Variants in NUP214 observed in about 807,000 individuals in gnomAD.
NUP214 encodes nuclear pore complex protein Nup214.
A neutral mutation model predicts 196.2 loss-of-function variants in NUP214; 79 were observed. The observed-to-expected ratio is 0.40, with a 90% CI of 0.34 to 0.49. The LOEUF is 0.49. Ranked by LOEUF, NUP214 falls within the 20% of genes least tolerant of loss-of-function variation. The probability of loss-of-function intolerance (pLI) is 0.58; values close to 1 mark genes in which losing one functional copy is unlikely to be tolerated. For synonymous variants in NUP214, 1,020 were observed against 990.5 expected, an observed-to-expected ratio of 1.03 and a Z score of -0.56; for missense variants, 2,468 against 2,539.0, an observed-to-expected ratio of 0.97 and a Z score of 0.60.
In NUP214 at chr9:131,164,187, GT is replaced by G. The variant is rs761946821; in HGVS notation, c.2893+44del. ...CTGGGCCTGTACATAGTGATAGGGT[GT>G]GGTGGGGTGTGTGTGTGTGCGCGCG... On this transcript the variant is annotated intron_variant, in intron 21 of 35. Transcript: ENST00000359428. 5.7e-6 allele frequency: 9 copies of G among 1,582,766 alleles called. No individual in the cohort carries two copies. The Admixed American group carries it at 8.4e-5, about 15-fold the overall frequency.
rs772517863 is a variant in NUP214 at position 131,150,759 on chromosome 9, C to T, written c.2271C>T (p.Thr757=). Residue 757 remains threonine (T), a synonymous_variant, in exon 16 of 36, where the codon ACC becomes ACT. Transcript: ENST00000359428. Reference sequence around the variant, plus strand: ...CCTTTCTTTTGGAGATTAAAGAGACCACAGAGGTTTGTGTTTATGGATACT... The same window carrying T: ...CCTTTCTTTTGGAGATTAAAGAGACTACAGAGGTTTGTGTTTATGGATACT... ...LHTFLLEIKE[T]TESLHGDISS... The T allele has an allele frequency of 4.4e-6, 7 of 1,604,820 alleles. No homozygotes were observed. The South Asian group carries it at 7.9e-5, about 18-fold the overall frequency.
chr9:131,225,792 G>C (rs1834704130), intron 32 of NUP214, among the ~76,000 whole-genome samples: 1 of 152,226 alleles, frequency 6.6e-6, no homozygotes, highest in Non-Finnish European at 1.5e-5. Flanking sequence ...TGCTTTAAGA[G>C]AGATTTTAAG....
rs1831405595 is a variant in NUP214, at chr9:131,127,684, T to C, written c.206T>C (p.Ile69Thr). The change falls in exon 2 of 36, where the codon ATT (isoleucine) becomes ACT (threonine). Residue 69 changes from isoleucine (I) to threonine (T), a missense_variant. Around this residue, in one of 5 missense-constraint regions of NUP214, gnomAD observed 392 missense variants for 417.9 expected, o/e 0.94. Coordinates refer to ENST00000359428, the MANE Select transcript of NUP214 (RefSeq NM_005085.4). ...ATTTTTCCTACTAAAAATCTTCTTATTCAAAATAAACCCGGAGATGATCCC... is the reference window on the plus strand; with the variant it reads ...ATTTTTCCTACTAAAAATCTTCTTACTCAAAATAAACCCGGAGATGATCCC... The part of the protein sequence containing the change: ...LQIFPTKNLL[I>T]QNKPGDDPNK... 1.9e-6 allele frequency: 3 copies of C among 1,613,982 alleles called. No homozygotes were observed. Among genetic ancestry groups the C allele is most frequent in the African/African-American group, 1.3e-5 (1 of 74,928 alleles).
In NUP214 at chr9:131,233,679, A is replaced by G. The variant is rs777035258; in HGVS notation, c.*192A>G. ...TATTTCATGTTGGGTTTTCCCTCCC[A>G]CTATTAAACAGTCTGTTTCCGTACA... On this transcript the variant is annotated 3_prime_UTR_variant, in exon 36 of 36. Coordinates refer to ENST00000359428, the MANE Select transcript of NUP214 (RefSeq NM_005085.4). The G allele has an allele frequency of 4.5e-6, 3 of 671,680 alleles. No homozygotes were observed. The highest frequency in any genetic ancestry group is 3.5e-5 in the African/African-American group (2 of 56,456). The allele number at this position is 671,680 out of a possible 1,614,324, so 41.6% of individuals were successfully genotyped here. A position where few individuals can be genotyped will look rare whatever the true frequency, so the allele number is the denominator to read the frequency against.
chr9:131,181,200 C>T (rs1268897014), intron 24 of NUP214, among the ~76,000 whole-genome samples: 1 of 152,062 alleles, frequency 6.6e-6, no homozygotes, highest in Non-Finnish European at 1.5e-5. Flanking sequence ...AAGCTCCAAG[C>T]ACAGGGCCTG....
chr9:131,128,264 T>C, intron 2 of NUP214, 68 bp from the exon 3 acceptor site: 2 of 1,472,804 alleles, frequency 1.4e-6, no homozygotes, highest in Non-Finnish European at 1.8e-6. Context: ...CACATCGAAC[T>C]GGATAGAGGT....
intron 1 of NUP214, chr9:131,126,040 G>A (rs1449652625): frequency 2.2e-6 from 1 of 457,976 alleles, no homozygotes. Flanking sequence ...CTGTGTGCCA[G>A]GCACTGTGGT....
chr9:131,162,253 T>C (rs1412548764), intron 18 of NUP214, among the ~76,000 whole-genome samples: 2 of 152,266 alleles, frequency 1.3e-5, no homozygotes, highest in South Asian at 2.1e-4. Context: ...AATGTCGTTA[T>C]GTGGCACATG....
At position 131,147,595 on chromosome 9, in the gene NUP214, A is replaced by G. The variant is rs1285035268; in HGVS notation, c.2040+11A>G. ...CCAGGCTCTCCCCAGGTATGTTTAA[A>G]TTCAGCTTGCAATGTTTGTGTTTAT... On this transcript the variant is annotated intron_variant, in intron 14 of 35. Coordinates refer to ENST00000359428, the MANE Select transcript of NUP214 (RefSeq NM_005085.4). 1.0e-5 allele frequency: 16 copies of G among 1,585,732 alleles called. No homozygotes were observed. Among genetic ancestry groups the G allele is most frequent in the Non-Finnish European group, 1.3e-5 (15 of 1,155,336 alleles).
At chr9:131,152,241 G>A (rs1832294113) in intron 17 of NUP214, among the ~76,000 whole-genome samples, 1 of 151,974 alleles carries the variant, frequency 6.6e-6, no homozygotes, top group Non-Finnish European at 1.5e-5. Flanking sequence ...AGCCTCCTGA[G>A]TAGCCAGGAC....
intron 5 of NUP214, among the ~76,000 whole-genome samples, chr9:131,132,056 G>A (rs1006723545): frequency 6.6e-6 from 1 of 151,092 alleles, no homozygotes; most frequent in Admixed American, 6.6e-5. Flanking sequence ...GTGTTGCATT[G>A]ACTACTCTCA....
chr9:131,132,021 G>T (rs1831561191), intron 5 of NUP214, among the ~76,000 whole-genome samples: 1 of 151,912 alleles, frequency 6.6e-6, no homozygotes. Context: ...CTGCATCAGT[G>T]CTAGTGGCGT....
At position 131,228,305 on chromosome 9, in the gene NUP214, T is replaced by C. The variant is rs781614036; in HGVS notation, c.6048T>C (p.Thr2016=). ...GAGGCAAAGTGTTCGGAGAGGGCAC[T>C]GCAGCTGCCAGCGCAGGAGGATTCG... ...STGGKVFGEG[T]AAASAGGFGF... Residue 2016 remains threonine (T), a synonymous_variant, in exon 33 of 36, where the codon ACT becomes ACC. Transcript: ENST00000359428. 9.4e-6 allele frequency: 15 copies of C among 1,598,984 alleles called. No homozygotes were observed. The highest frequency in any genetic ancestry group is 1.2e-5 in the Non-Finnish European group (14 of 1,174,734).
rs1288567604 is a variant in NUP214, at chr9:131,168,238, T to G, written c.2893+4094T>G. Among the ~76,000 whole-genome samples the G allele has an allele frequency of 4.6e-5, 7 of 152,352 alleles. No individual in the cohort carries two copies. The Middle Eastern group carries it at 0.01, about 222-fold the overall frequency. ...TAAAATAGTGAGATTTATCAGCCTT[T>G]TCTTTTATAGTTAGTACTTTTTGTG... On this transcript the variant is annotated intron_variant, in intron 21 of 35. Coordinates refer to ENST00000359428, the MANE Select transcript of NUP214 (RefSeq NM_005085.4).
At chr9:131,159,580 G>C (rs1832566115) in intron 18 of NUP214, 94 bp downstream of exon 18, 6 of 1,078,174 alleles carry the variant, frequency 5.6e-6, no homozygotes, top group Non-Finnish European at 8.2e-6. Context: ...ATCCCAGGCC[G>C]GGTGCGGTGG....
At position 131,198,180 on chromosome 9, in the gene NUP214, A is replaced by C. The variant is rs35446363; in HGVS notation, c.4686A>C (p.Ala1562=). 674 of 1,614,180 alleles carry C rather than the reference A, an allele frequency of 4.2e-4. 1 individual carries two copies. In the African/African-American group the frequency reaches 8.0e-3, roughly 19 times the overall value. ...CAGCATCTAGTACTAGTCTTGTAGC[A>C]CTTTCTGCAGAGGCTACCCCAGCCA... The part of the protein sequence containing the change: ...GTAASSTSLV[A]LSAEATPATT... Residue 1562 remains alanine (A), a synonymous_variant, in exon 29 of 36, where the codon GCA becomes GCC. Transcript: ENST00000359428.
intron 32 of NUP214, among the ~76,000 whole-genome samples, chr9:131,226,268 T>C (rs1021679819): frequency 6.6e-6 from 1 of 152,180 alleles, no homozygotes; most frequent in Non-Finnish European, 1.5e-5. Flanking sequence ...AAAATTTGTT[T>C]CTTCTGGAGA....
chr9:131,210,792 A>G (rs555542851), intron 30 of NUP214, among the ~76,000 whole-genome samples: 35 of 152,106 alleles, frequency 2.3e-4, no homozygotes, highest in African/African-American at 8.2e-4. Flanking sequence ...AGAGAGATGG[A>G]AAAAAAATGG....
At chr9:131,133,298 G>GTT in intron 7 of NUP214, 89 bp downstream of exon 7, 11 of 554,732 alleles carry the variant, frequency 2.0e-5, no homozygotes, top group South Asian at 1.2e-4. Flanking sequence ...GTTTTTTTGT[G>GTT]TTTGTGTTTT....
Sources: allele counts gnomAD v4.1 joint callset (sites outside exome capture counted in the v4.1 genomes callset), GRCh38; gene constraint gnomAD v4.1.1; regional missense constraint gnomAD v4.1.1; transcripts MANE v1.5; gene names NCBI Gene and HGNC (gene_info 2026-07-23, HGNC 2026-07-21).